The following RBPMS2 variants were observed in gnomAD, a reference collection of about 807,000 sequenced individuals.
RBPMS2 encodes the protein RNA binding protein, mRNA processing factor 2.
RBPMS2 carries 14 observed loss-of-function variants against 25.7 expected under a neutral mutation model. The ratio of observed to expected loss-of-function variants is 0.55; its 90% CI spans 0.36 to 0.85. The LOEUF (loss-of-function observed/expected upper bound fraction) is 0.85. Ranked by LOEUF, RBPMS2 falls within the 40% of genes least tolerant of loss-of-function variation. The pLI is 0.01. For missense variants in RBPMS2, 252 were observed against 283.4 expected, an observed-to-expected ratio of 0.89 and a Z score of 0.80; for synonymous variants, 127 against 115.6, an observed-to-expected ratio of 1.10 and a Z score of -0.63.
rs2083908052 is a variant in RBPMS2 at position 64,773,810 on chromosome 15, C to A, written c.87+1423G>T. ...CCAAGTACGCTAGCAACCCTGTCAC[C>A]CTCCCCAACTGTCAAGGGAGATTCT... On this transcript the variant is annotated intron_variant, in intron 1 of 7. Coordinates refer to ENST00000300069, the MANE Select transcript of RBPMS2 (RefSeq NM_194272.3). Among the ~76,000 whole-genome samples the A allele has an allele frequency of 2.0e-5, 3 of 152,072 alleles. No individual in the cohort carries two copies. The South Asian group carries it at 6.2e-4, about 31-fold the overall frequency.
Position 64,740,702 on chromosome 15 carries a change from A to G in RBPMS2, c.*306T>C. Reference sequence around the variant, plus strand: ...TCCTCGAGGGGGAGCTACAGAAGCAAGTTTGGGCGGGAGGTCAGGCCTTGC... The same window carrying G: ...TCCTCGAGGGGGAGCTACAGAAGCAGGTTTGGGCGGGAGGTCAGGCCTTGC... On this transcript the variant is annotated 3_prime_UTR_variant, in exon 8 of 8. Transcript: ENST00000300069. The G allele has an allele frequency of 6.3e-6, 1 of 158,932 alleles. No individual in the cohort carries two copies. The highest frequency in any genetic ancestry group is 1.4e-5 in the Non-Finnish European group (1 of 71,548). 9.8% of individuals were successfully genotyped at this position (158,932 alleles called of 1,614,324 possible).
intron 1 of RBPMS2, among the ~76,000 whole-genome samples, chr15:64,756,824 G>GTAT: frequency 1.0e-5 from 1 of 96,120 alleles, no homozygotes; most frequent in Non-Finnish European, 2.3e-5. Flanking sequence ...TTTTTTTGGA[G>GTAT]AGACAGGGTT....
At chr15:64,741,498 G>T (rs1256636727) in intron 6 of RBPMS2, among the ~76,000 whole-genome samples, 3 of 152,206 alleles carry the variant, frequency 2.0e-5, no homozygotes. Context: ...ACCCCAATCA[G>T]CCCAATCCAA....
intron 6 of RBPMS2, among the ~76,000 whole-genome samples, chr15:64,747,617 C>T (rs962042373): frequency 2.6e-5 from 4 of 152,194 alleles, no homozygotes; most frequent in Admixed American, 2.6e-4. Flanking sequence ...CACTGCTCCC[C>T]GACACACGCA....
intron 6 of RBPMS2, among the ~76,000 whole-genome samples, chr15:64,746,355 A>G (rs2083617919): frequency 6.6e-6 from 1 of 152,238 alleles, no homozygotes; most frequent in African/African-American, 2.4e-5. Flanking sequence ...ACCCAAGGGA[A>G]CCCAGACAAT....
chr15:64,746,638 G>A (rs2083619983), intron 6 of RBPMS2, among the ~76,000 whole-genome samples: 1 of 152,220 alleles, frequency 6.6e-6, no homozygotes, highest in Non-Finnish European at 1.5e-5. Context: ...CCTGTGGCGT[G>A]GAGCTCAGGG....
chr15:64,740,961 C>G lies in RBPMS2; in HGVS notation c.*47G>C, dbSNP rs1293980713. The G allele has an allele frequency of 3.9e-6, 2 of 508,418 alleles. No homozygotes were observed. Among genetic ancestry groups the G allele is most frequent in the Non-Finnish European group, 7.1e-6 (2 of 281,738 alleles). The allele number at this position is 508,418 out of a possible 1,614,324, so 31.5% of individuals were successfully genotyped here. ...GGAACTCGGGGCGCCTGTCCCGGCA[C>G]CACCACAGATTACCAGAACCACCTC... is the stretch of plus-strand genomic sequence containing the variant. On this transcript the variant is annotated 3_prime_UTR_variant, in exon 8 of 8. Coordinates refer to ENST00000300069, the MANE Select transcript of RBPMS2 (RefSeq NM_194272.3).
At chr15:64,763,895 A>G (rs148616954) in intron 1 of RBPMS2, among the ~76,000 whole-genome samples, 177 of 152,264 alleles carry the variant, frequency 1.2e-3, no homozygotes, top group African/African-American at 4.0e-3. Context: ...CAGGTATAAG[A>G]AGGCTTCAGG....
In RBPMS2 at chr15:64,770,500, C is replaced by A. The variant is rs557462914; in HGVS notation, c.87+4733G>T. Among the ~76,000 whole-genome samples, 15 of 152,298 alleles carry A rather than the reference C, an allele frequency of 9.8e-5. No individual in the cohort carries two copies. In the South Asian group the frequency reaches 3.1e-3, roughly 32 times the overall value. On this transcript the variant is annotated intron_variant, in intron 1 of 7. Coordinates refer to ENST00000300069, the MANE Select transcript of RBPMS2 (RefSeq NM_194272.3). The stretch of plus-strand genomic sequence containing the variant: ...TACAGGTTCATTATTATTAGTACAG[C>A]CTCTCCCTTAGATTACTTAGGCAGA...
At chr15:64,751,771 A>G in intron 1 of RBPMS2, 133 bp from the exon 2 acceptor site, 2 of 654,566 alleles carry the variant, frequency 3.1e-6, no homozygotes, top group Non-Finnish European at 5.4e-6. Context: ...GCCTCCTTGG[A>G]TACCCAAGGC....
intron 1 of RBPMS2, among the ~76,000 whole-genome samples, chr15:64,760,021 G>A (rs934805397): frequency 1.3e-5 from 2 of 152,210 alleles, no homozygotes; most frequent in African/African-American, 4.8e-5. Flanking sequence ...CTTGGCCCTG[G>A]ACACTGCCAT....
Position 64,739,921 on chromosome 15 carries a change from A to G in RBPMS2, c.*1087T>C, listed in dbSNP as rs777976467. The stretch of plus-strand genomic sequence containing the variant: ...TTGGTTTTGTTTTATTTTGCATTTC[A>G]TATATTATCCAGTTTCACATTCTCA... On this transcript the variant is annotated 3_prime_UTR_variant, in exon 8 of 8. Coordinates refer to ENST00000300069, the MANE Select transcript of RBPMS2 (RefSeq NM_194272.3). 5 of 152,568 alleles carry G rather than the reference A, an allele frequency of 3.3e-5. No individual in the cohort carries two copies. The highest frequency in any genetic ancestry group is 7.3e-5 in the Non-Finnish European group (5 of 68,036). The allele number at this position is 152,568 out of a possible 1,614,324, so 9.5% of individuals were successfully genotyped here. A position where few individuals can be genotyped will look rare whatever the true frequency, so the allele number is the denominator to read the frequency against.
intron 1 of RBPMS2, among the ~76,000 whole-genome samples, chr15:64,774,732 A>G (rs868233786): frequency 3.2e-4 from 47 of 147,120 alleles, no homozygotes; most frequent in African/African-American, 9.4e-4. Context: ...GGAACCGAGG[A>G]GCCGGCCGGC....
At chr15:64,745,175 T>C (rs1028795841) in intron 6 of RBPMS2, among the ~76,000 whole-genome samples, 6 of 152,180 alleles carry the variant, frequency 3.9e-5, no homozygotes, top group African/African-American at 7.2e-5. Flanking sequence ...TTCATACCTA[T>C]AGATTTACTT....
rs1380046969 is a variant in RBPMS2, at chr15:64,767,827, AC to A, written c.87+7405del. On this transcript the variant is annotated intron_variant, in intron 1 of 7. Coordinates refer to ENST00000300069, the MANE Select transcript of RBPMS2 (RefSeq NM_194272.3). Reference sequence around the variant, plus strand: ...TGGGACTACAGGCATGCACCATCACACCCAGCTACTTTTTTGTTTTTGTAAG... The same window carrying A: ...TGGGACTACAGGCATGCACCATCACACCAGCTACTTTTTTGTTTTTGTAAG... 5.3e-5 allele frequency among the ~76,000 whole-genome samples: 8 copies of A among 152,078 alleles called. No individual in the cohort carries two copies. The East Asian group carries it at 1.3e-3, about 26-fold the overall frequency.
intron 1 of RBPMS2, chr15:64,761,080 A>C (rs943412555): frequency 6.6e-6 from 1 of 152,054 alleles, no homozygotes; most frequent in African/African-American, 2.4e-5. Flanking sequence ...AGCATCTCTA[A>C]AAGTTAGAAT....
At chr15:64,750,289 A>C in intron 3 of RBPMS2, 54 bp downstream of exon 3, 1 of 1,509,666 alleles carries the variant, frequency 6.6e-7, no homozygotes, top group Non-Finnish European at 9.2e-7. Flanking sequence ...CCCTTGTTTG[A>C]AGCTCAGCAG....
intron 1 of RBPMS2, among the ~76,000 whole-genome samples, chr15:64,774,228 C>A (rs539523531): frequency 6.6e-6 from 1 of 152,218 alleles, no homozygotes; most frequent in Non-Finnish European, 1.5e-5. Context: ...ATAACCAGCC[C>A]TTGGTTTCCT....
chr15:64,772,477 G>A (rs2083899335), intron 1 of RBPMS2, among the ~76,000 whole-genome samples: 1 of 151,966 alleles, frequency 6.6e-6, no homozygotes, highest in South Asian at 2.1e-4. Flanking sequence ...CTTCCCAAGT[G>A]GCAGAAAAAT....
Sources: gnomAD v4.1 joint callset for allele counts (sites outside exome capture counted in the v4.1 genomes callset) on GRCh38, gnomAD v4.1.1 for gene constraint, MANE v1.5 for transcripts, NCBI Gene and HGNC (gene_info 2026-07-23, HGNC 2026-07-21) for gene names.